ASIC2: variants seen among roughly 807,000 people sequenced by gnomAD.
ASIC2 encodes the protein acid sensing ion channel subunit 2, also known as acid-sensing ion channel 2.
ASIC2 carries 25 observed loss-of-function variants against 57.3 expected under a neutral mutation model. The observed-to-expected ratio is 0.44, with a 90% CI of 0.32 to 0.61. The LOEUF (loss-of-function observed/expected upper bound fraction) is 0.61. Ranked by LOEUF, ASIC2 falls within the 20% of genes least tolerant of loss-of-function variation. The pLI is 0.06. For synonymous variants in ASIC2, 319 were observed against 307.5 expected (o/e 1.04, Z -0.39); for missense variants, 641 against 738.1 (o/e 0.87, Z 1.52).
At chr17:33,494,866 G>C (rs1378901622) in intron 1 of ASIC2, among the ~76,000 whole-genome samples, 1 of 152,120 alleles carries the variant, frequency 6.6e-6, no homozygotes, top group African/African-American at 2.4e-5. Flanking sequence ...CTGTGTCTAG[G>C]GCATCACCCT....
At chr17:33,873,257 G>A (rs1390842596) in intron 1 of ASIC2, among the ~76,000 whole-genome samples, 1 of 152,174 alleles carries the variant, frequency 6.6e-6, no homozygotes, top group Non-Finnish European at 1.5e-5. Flanking sequence ...CCCAGTAACA[G>A]AACAGTATGA....
intron 1 of ASIC2, among the ~76,000 whole-genome samples, chr17:33,869,446 C>T (rs1914331812): frequency 6.6e-6 from 1 of 152,114 alleles, no homozygotes; most frequent in Non-Finnish European, 1.5e-5. Context: ...CCTGAATGTT[C>T]ATAGTACCAT....
chr17:33,141,700 C>G (rs1270388912), intron 1 of ASIC2, among the ~76,000 whole-genome samples: 1 of 152,200 alleles, frequency 6.6e-6, no homozygotes, highest in Non-Finnish European at 1.5e-5. Context: ...ATATAATTCC[C>G]ATTACATGGG....
chr17:34,025,594 G>GT (rs1907347007), intron 1 of ASIC2, among the ~76,000 whole-genome samples: 1 of 152,170 alleles, frequency 6.6e-6, no homozygotes, highest in African/African-American at 2.4e-5. Context: ...AGAAAAATGT[G>GT]GTTTTTTTGC....
chr17:34,092,844 T>C (rs953367826), intron 1 of ASIC2, among the ~76,000 whole-genome samples: 1 of 152,250 alleles, frequency 6.6e-6, no homozygotes, highest in Non-Finnish European at 1.5e-5. Context: ...ATTTAGGCTT[T>C]ACTGTTCCCA....
At chr17:33,458,514 C>A (rs1912528142) in intron 1 of ASIC2, among the ~76,000 whole-genome samples, 1 of 152,154 alleles carries the variant, frequency 6.6e-6, no homozygotes, top group African/African-American at 2.4e-5. Flanking sequence ...GGGTTTGAAT[C>A]CCATCTCTAT....
Position 33,710,827 on chromosome 17 carries a change from C to T in ASIC2, c.555+445151G>A, listed in dbSNP as rs770338745. Among the ~76,000 whole-genome samples the T allele has an allele frequency of 8.5e-5, 13 of 152,100 alleles. No individual in the cohort carries two copies. The East Asian group carries it at 1.2e-3, about 14-fold the overall frequency. ...GTTATCATGTTATAAGGCTTTTTCCCGGGTCACTGAATTTACCTAGAGGTT... is the reference window on the plus strand; with the variant it reads ...GTTATCATGTTATAAGGCTTTTTCCTGGGTCACTGAATTTACCTAGAGGTT... On this transcript the variant is annotated intron_variant, in intron 1 of 9. Coordinates refer to the ASIC2 transcript ENST00000359872.
chr17:33,058,068 A>C (rs2092005082), intron 3 of ASIC2, among the ~76,000 whole-genome samples: 1 of 152,218 alleles, frequency 6.6e-6, no homozygotes, highest in Admixed American at 6.5e-5. Flanking sequence ...TGTATGCCAG[A>C]TGCCCTCTGT....
intron 1 of ASIC2, among the ~76,000 whole-genome samples, chr17:33,762,476 T>C (rs1334617272): frequency 6.6e-6 from 1 of 152,162 alleles, no homozygotes; most frequent in African/African-American, 2.4e-5. Flanking sequence ...GTTCACTGAA[T>C]GCAGAAACAT....
chr17:34,154,176 T>C (rs956154421), intron 1 of ASIC2, among the ~76,000 whole-genome samples: 9 of 152,154 alleles, frequency 5.9e-5, no homozygotes, highest in Non-Finnish European at 2.9e-5. Context: ...GCTGAGTGCA[T>C]TTCCAAGCTG....
chr17:33,251,797 G>T (rs1461193342), intron 1 of ASIC2, among the ~76,000 whole-genome samples: 3 of 152,194 alleles, frequency 2.0e-5, no homozygotes, highest in Non-Finnish European at 4.4e-5. Context: ...TTCAAACTCA[G>T]ATCTGTATTC....
chr17:33,877,889 G>A (rs914722005), intron 1 of ASIC2, among the ~76,000 whole-genome samples: 1 of 152,170 alleles, frequency 6.6e-6, no homozygotes, highest in Non-Finnish European at 1.5e-5. Context: ...TCACACAGCT[G>A]GGTACTCCTC....
intron 1 of ASIC2, among the ~76,000 whole-genome samples, chr17:33,814,644 C>A (rs1254905778): frequency 6.6e-6 from 1 of 152,246 alleles, no homozygotes; most frequent in Non-Finnish European, 1.5e-5. Flanking sequence ...CTAGAACTTA[C>A]TAAGCCAAGA....
intron 1 of ASIC2, among the ~76,000 whole-genome samples, chr17:33,970,501 G>A (rs1905197961): frequency 6.6e-6 from 1 of 152,230 alleles, no homozygotes; most frequent in South Asian, 2.1e-4. Flanking sequence ...AGGAAGTTAA[G>A]CAGCAGCCGT....
chr17:33,361,250 A>G (rs1908592252), intron 1 of ASIC2, among the ~76,000 whole-genome samples: 1 of 152,190 alleles, frequency 6.6e-6, no homozygotes, highest in South Asian at 2.1e-4. Context: ...TCAGGGAACA[A>G]AGGGGAAGCC....
intron 1 of ASIC2, among the ~76,000 whole-genome samples, chr17:34,126,736 G>A (rs1407542861): frequency 6.6e-6 from 1 of 152,138 alleles, no homozygotes; most frequent in Non-Finnish European, 1.5e-5. Context: ...AGGTGGATGG[G>A]ACCACACAGT....
intron 1 of ASIC2, among the ~76,000 whole-genome samples, chr17:33,390,758 G>A (rs978704452): frequency 6.6e-6 from 1 of 152,218 alleles, no homozygotes; most frequent in African/African-American, 2.4e-5. Flanking sequence ...CAGAGCGCAC[G>A]GGACATCATG....
chr17:33,652,120 G>T (rs922508076), intron 1 of ASIC2, among the ~76,000 whole-genome samples: 1 of 152,166 alleles, frequency 6.6e-6, no homozygotes, highest in African/African-American at 2.4e-5. Context: ...AGCAAGAATG[G>T]AAAATAAGAT....
At chr17:33,666,519 C>T (rs1907478152) in intron 1 of ASIC2, among the ~76,000 whole-genome samples, 1 of 152,180 alleles carries the variant, frequency 6.6e-6, no homozygotes, top group South Asian at 2.1e-4. Flanking sequence ...TCCGCCTCCT[C>T]CTGCCTGTCC....
Sources: gnomAD v4.1 joint callset for allele counts (sites outside exome capture counted in the v4.1 genomes callset) on GRCh38, gnomAD v4.1.1 for gene constraint, MANE v1.5 for transcripts, NCBI Gene and HGNC (gene_info 2026-07-23, HGNC 2026-07-21) for gene names.